Variants in TFAP2A observed in about 807,000 individuals in gnomAD.
The protein encoded by TFAP2A is transcription factor AP-2-alpha.
In TFAP2A, 7 loss-of-function variants were observed where a neutral mutation model predicts 41.5. The ratio of observed to expected loss-of-function variants is 0.17; its 90% CI spans 0.10 to 0.32. The LOEUF (loss-of-function observed/expected upper bound fraction) is 0.32. Ranked by LOEUF, TFAP2A falls within the 10% of genes least tolerant of loss-of-function variation. TFAP2A has a pLI of 1.00. For synonymous variants in TFAP2A, 247 were observed against 242.8 expected (o/e 1.02, Z -0.16); for missense variants, 416 against 563.3 (o/e 0.74, Z 2.65).
At position 10,397,952 on chromosome 6, in the gene TFAP2A, G is replaced by GAA. The variant is rs1294929845; in HGVS notation, c.*463_*464dup. The GAA allele has an allele frequency of 1.0e-6, 1 of 997,934 alleles. No homozygotes were observed. The highest frequency in any genetic ancestry group is 1.2e-6 in the Non-Finnish European group (1 of 837,960). 61.8% of individuals were successfully genotyped at this position (997,934 alleles called of 1,614,324 possible). ...TTTAAGTATGGCTACAATCTGAACT[G>GAA]AAGTATGTAAGGGAAGGTGGTGACT... On this transcript the variant is annotated 3_prime_UTR_variant, in exon 7 of 7. Transcript: ENST00000379613.
In TFAP2A at chr6:10,400,624, A is replaced by T. The variant is rs763456364; in HGVS notation, c.890-35T>A. 5.6e-6 allele frequency: 9 copies of T among 1,613,362 alleles called. No individual in the cohort carries two copies. The South Asian group carries it at 7.7e-5, about 14-fold the overall frequency. On this transcript the variant is annotated intron_variant, in intron 5 of 6. Coordinates refer to ENST00000379613, the MANE Select transcript of TFAP2A (RefSeq NM_001372066.1). The stretch of plus-strand genomic sequence containing the variant: ...GGGGAGAGGAGGGAGCCAGTGCGAG[A>T]GAATGAAGAGTGGGGATCCTAACTT...
chr6:10,419,522 G>A, upstream of TFAP2A: 2 of 1,593,992 alleles, frequency 1.3e-6, no homozygotes, highest in Non-Finnish European at 1.7e-6. Context: ...CCAGCTCCCT[G>A]GAATCGCTTA....
At chr6:10,419,641 T>G, upstream of TFAP2A, 2 of 683,172 alleles carry the variant, frequency 2.9e-6, no homozygotes, top group Non-Finnish European at 2.6e-6. Context: ...CTCCGCCAGC[T>G]GCAGTCCCAG....
At chr6:10,399,839 C>T (rs1268762631) in intron 6 of TFAP2A, among the ~76,000 whole-genome samples, 1 of 152,042 alleles carries the variant, frequency 6.6e-6, no homozygotes, top group East Asian at 1.9e-4. Flanking sequence ...ATAACTTGGG[C>T]CATTTTGAAA....
chr6:10,411,392 G>T (rs1268278599), intron 1 of TFAP2A, among the ~76,000 whole-genome samples: 1 of 151,934 alleles, frequency 6.6e-6, no homozygotes. Context: ...TAATGCACTC[G>T]ATTTAGGGAT....
In TFAP2A at chr6:10,407,500, CT is replaced by C. The variant is rs1010909089; in HGVS notation, c.487-657del. The C allele has an allele frequency of 2.4e-3, 300 of 124,132 alleles. 1 individual carries two copies. The highest frequency in any genetic ancestry group is 3.0e-3 in the Non-Finnish European group (171 of 57,720). The allele number at this position is 124,132 out of a possible 1,614,324, so 7.7% of individuals were successfully genotyped here. On this transcript the variant is annotated intron_variant, in intron 2 of 6. Transcript: ENST00000379613. The stretch of plus-strand genomic sequence containing the variant: ...TGTGGGGTGTTTTTCTTTTTCTTTT[CT>C]TTTTTTTTTTTTTTTTTACAGATGG...
chr6:10,400,333 A>C, intron 6 of TFAP2A, 115 bp downstream of exon 6: 1 of 1,355,028 alleles, frequency 7.4e-7, no homozygotes, highest in Non-Finnish European at 1.1e-6. Context: ...TTATAACTGC[A>C]ACAAAGCTGA....
chr6:10,403,135 G>A (rs1393043299), intron 4 of TFAP2A, among the ~76,000 whole-genome samples: 1 of 152,232 alleles, frequency 6.6e-6, no homozygotes, highest in East Asian at 1.9e-4. Flanking sequence ...AACTGGAAAT[G>A]TCAAAAGCTG....
At chr6:10,414,671 C>T (rs1758167411) in intron 1 of TFAP2A, 1 of 592,034 alleles carries the variant, frequency 1.7e-6, no homozygotes, top group Admixed American at 2.8e-5. Context: ...TTCTTTTCCC[C>T]CATTCTTAGG....
rs537069740 is a variant in TFAP2A, at chr6:10,397,415, T to G, written c.*1002A>C. On this transcript the variant is annotated 3_prime_UTR_variant, in exon 7 of 7. Coordinates refer to ENST00000379613, the MANE Select transcript of TFAP2A (RefSeq NM_001372066.1). ...TTTCCAGGGTCCAATATCACTTTTT[T>G]TCTTTCGGTTCAATGAAAAGCTAAA... The G allele has an allele frequency of 3.3e-4, 50 of 152,340 alleles. No individual in the cohort carries two copies. The highest frequency in any genetic ancestry group is 1.1e-3 in the African/African-American group (46 of 41,578). The allele number at this position is 152,340 out of a possible 1,614,324, so 9.4% of individuals were successfully genotyped here.
In TFAP2A at chr6:10,409,904, G is replaced by A. The variant is rs1180549798; in HGVS notation, c.483C>T (p.Val161=). The A allele has an allele frequency of 6.5e-7, 1 of 1,548,148 alleles. No homozygotes were observed. Among genetic ancestry groups the A allele is most frequent in the African/African-American group, 1.4e-5 (1 of 73,028 alleles). ...IHSLPHAIEE[V]PHVEDPGINI... is the part of the protein sequence containing the mutation. ...CGCTGGTTGCGCGGCCTCTTACCGG[G>A]ACCTCCTCGATGGCGTGAGGTAAGG... is the stretch of plus-strand genomic sequence containing the variant. The change falls in exon 2 of 7, where the codon GTC becomes GTT. Residue 161 remains valine, a synonymous_variant. Coordinates refer to ENST00000379613, the MANE Select transcript of TFAP2A (RefSeq NM_001372066.1).
At position 10,397,716 on chromosome 6, in the gene TFAP2A, A is replaced by T. The variant is rs564928565; in HGVS notation, c.*701T>A. 2.9e-4 allele frequency: 93 copies of T among 320,758 alleles called. No individual in the cohort carries two copies. The highest frequency in any genetic ancestry group is 2.0e-3 in the African/African-American group (88 of 44,442). The allele number at this position is 320,758 out of a possible 1,614,324, so 19.9% of individuals were successfully genotyped here. A position where few individuals can be genotyped will look rare whatever the true frequency, so the allele number is the denominator to read the frequency against. On this transcript the variant is annotated 3_prime_UTR_variant, in exon 7 of 7. Transcript: ENST00000379613. ...ATATTTACAATTCCCATTAAATTACACATAAATAAATATATACAGAGACGT... is the reference window on the plus strand; with the variant it reads ...ATATTTACAATTCCCATTAAATTACTCATAAATAAATATATACAGAGACGT...
intron 2 of TFAP2A, among the ~76,000 whole-genome samples, chr6:10,408,608 A>T (rs1198164264): frequency 6.6e-6 from 1 of 152,254 alleles, no homozygotes; most frequent in African/African-American, 2.4e-5. Flanking sequence ...CAGTTTCTAA[A>T]AACATGTAAG....
intron 4 of TFAP2A, among the ~76,000 whole-genome samples, chr6:10,404,299 G>A (rs1757578902): frequency 1.3e-5 from 2 of 152,318 alleles, no homozygotes; most frequent in African/African-American, 4.8e-5. Context: ...GGAAAGCAGC[G>A]GAGAGCGCAG....
upstream of TFAP2A, chr6:10,416,336 C>A (rs376975538): frequency 6.6e-6 from 1 of 152,032 alleles, no homozygotes; most frequent in South Asian, 2.1e-4. Flanking sequence ...CTCGTCCAGA[C>A]TGGTCAGTCC....
intron 1 of TFAP2A, chr6:10,410,913 C>G (rs1757932922): frequency 6.3e-6 from 1 of 159,270 alleles, no homozygotes; most frequent in Non-Finnish European, 1.4e-5. Flanking sequence ...TTCGCTTCCT[C>G]TGTTAGGAGC....
At chr6:10,404,248 C>T (rs1379910369) in intron 4 of TFAP2A, among the ~76,000 whole-genome samples, 1 of 152,102 alleles carries the variant, frequency 6.6e-6, no homozygotes, top group African/African-American at 2.4e-5. Flanking sequence ...ACTCCGCGAG[C>T]GCGCGGCAGC....
At chr6:10,412,877 C>G (rs1357005622) in intron 1 of TFAP2A, 3 of 154,760 alleles carry the variant, frequency 1.9e-5, no homozygotes, top group African/African-American at 7.2e-5. Flanking sequence ...CCGTGCGCTC[C>G]CCGGCCACCG....
rs1761780173 is a variant in TFAP2A at position 10,396,749 on chromosome 6, C to T, written c.*1668G>A. 1 of 152,538 alleles carries T rather than the reference C, an allele frequency of 6.6e-6. No homozygotes were observed. 9.4% of individuals were successfully genotyped at this position (152,538 alleles called of 1,614,324 possible). On this transcript the variant is annotated 3_prime_UTR_variant, in exon 7 of 7. Coordinates refer to ENST00000379613, the MANE Select transcript of TFAP2A (RefSeq NM_001372066.1). ...TTCTAGTAAGGAAAAGACAGTATGT[C>T]ATTCCTTTAGCAGTACAAACAATCT...
Sources: allele counts gnomAD v4.1 joint callset (sites outside exome capture counted in the v4.1 genomes callset), GRCh38; gene constraint gnomAD v4.1.1; transcripts MANE v1.5; gene names NCBI Gene and HGNC (gene_info 2026-07-23, HGNC 2026-07-21).